Variants in TMTC2 observed in about 807,000 individuals in gnomAD.
The protein encoded by TMTC2 is protein O-mannosyl-transferase TMTC2.
In TMTC2, 43 loss-of-function variants were observed where a neutral mutation model predicts 82.4. That is an observed-to-expected ratio of 0.52 (90% CI 0.41 to 0.67). The LOEUF (loss-of-function observed/expected upper bound fraction) is 0.67. TMTC2 is among the 30% of genes least tolerant of loss of function. The pLI, the probability that TMTC2 is intolerant of heterozygous loss-of-function variation, is 0.00. For synonymous variants in TMTC2, 408 were observed against 381.9 expected (o/e 1.07, Z -0.80); for missense variants, 919 against 1,012.4 (o/e 0.91, Z 1.25).
At chr12:83,015,232 G>A (rs377631904) in intron 8 of TMTC2, among the ~76,000 whole-genome samples, 5 of 152,138 alleles carry the variant, frequency 3.3e-5, no homozygotes, top group Non-Finnish European at 5.9e-5. Flanking sequence ...ATGTGTACAC[G>A]AATACCATTT....
chr12:82,992,153 A>G (rs1032942715), intron 8 of TMTC2, among the ~76,000 whole-genome samples: 13 of 152,334 alleles, frequency 8.5e-5, no homozygotes, highest in African/African-American at 2.9e-4. Context: ...TGGAGGTTCC[A>G]CAGAAAAGTC....
At chr12:82,711,073 G>C (rs1359429845) in intron 1 of TMTC2, among the ~76,000 whole-genome samples, 1 of 152,100 alleles carries the variant, frequency 6.6e-6, no homozygotes, top group Non-Finnish European at 1.5e-5. Flanking sequence ...CAAGCTTCTG[G>C]TAAGACAAAT....
intron 1 of TMTC2, among the ~76,000 whole-genome samples, chr12:82,715,361 A>G (rs1426656673): frequency 1.3e-5 from 2 of 151,994 alleles, no homozygotes; most frequent in Non-Finnish European, 2.9e-5. Context: ...CCATGCAGTG[A>G]GATATGGATG....
intron 2 of TMTC2, among the ~76,000 whole-genome samples, chr12:82,886,524 T>C (rs1873108958): frequency 6.6e-6 from 1 of 152,184 alleles, no homozygotes; most frequent in South Asian, 2.1e-4. Context: ...AAGAACTCAT[T>C]ATAATCCGAA....
chr12:82,689,271 G>A (rs1424544656), intron 1 of TMTC2, among the ~76,000 whole-genome samples: 3 of 151,886 alleles, frequency 2.0e-5, no homozygotes. Flanking sequence ...GGTTTGAATA[G>A]TAAGCATTTA....
intron 11 of TMTC2, among the ~76,000 whole-genome samples, chr12:83,102,250 T>C (rs759383892): frequency 1.3e-5 from 2 of 152,226 alleles, no homozygotes; most frequent in African/African-American, 4.8e-5. Flanking sequence ...AAGGAAGATA[T>C]GCTATTTTTT....
At chr12:83,035,602 A>G (rs969573715) in intron 9 of TMTC2, among the ~76,000 whole-genome samples, 9 of 152,208 alleles carry the variant, frequency 5.9e-5, no homozygotes, top group Admixed American at 5.2e-4. Context: ...AACATTGTGT[A>G]TTTGTATGTT....
chr12:82,828,470 G>T (rs1869560042), intron 1 of TMTC2, among the ~76,000 whole-genome samples: 1 of 152,010 alleles, frequency 6.6e-6, no homozygotes, highest in Admixed American at 6.5e-5. Context: ...AAAGTGCTGG[G>T]ATTACAGGCA....
At chr12:83,057,695 C>T (rs1173020879) in intron 10 of TMTC2, among the ~76,000 whole-genome samples, 3 of 151,534 alleles carry the variant, frequency 2.0e-5, no homozygotes, top group Non-Finnish European at 4.4e-5. Context: ...TTTTATGTTA[C>T]ATGAACAACA....
chr12:83,076,347 T>C (rs1275381987), intron 11 of TMTC2, among the ~76,000 whole-genome samples: 1 of 152,204 alleles, frequency 6.6e-6, no homozygotes, highest in African/African-American at 2.4e-5. Flanking sequence ...ATCAAAACCT[T>C]TGGGAAATTT....
At chr12:82,904,333 A>G (rs1192523320) in intron 3 of TMTC2, among the ~76,000 whole-genome samples, 1 of 152,192 alleles carries the variant, frequency 6.6e-6, no homozygotes, top group Non-Finnish European at 1.5e-5. Context: ...TTTAAGCCTC[A>G]TGAAACAGTA....
At chr12:82,933,622 T>C (rs951895002) in intron 4 of TMTC2, among the ~76,000 whole-genome samples, 2 of 152,176 alleles carry the variant, frequency 1.3e-5, no homozygotes, top group African/African-American at 4.8e-5. Flanking sequence ...TACAGTTATG[T>C]CTCTTAAAGA....
At chr12:82,784,450 A>G (rs1251219384) in intron 1 of TMTC2, among the ~76,000 whole-genome samples, 1 of 152,094 alleles carries the variant, frequency 6.6e-6, no homozygotes, top group Non-Finnish European at 1.5e-5. Context: ...TCATGTAATT[A>G]CTATGATCGC....
chr12:82,693,463 T>G (rs1482451854), intron 1 of TMTC2, among the ~76,000 whole-genome samples: 1 of 152,210 alleles, frequency 6.6e-6, no homozygotes, highest in Non-Finnish European at 1.5e-5. Context: ...TTTTCTTGGA[T>G]GTCTGAACTC....
chr12:82,961,575 A>G (rs1000152472), intron 4 of TMTC2, among the ~76,000 whole-genome samples: 4 of 152,008 alleles, frequency 2.6e-5, no homozygotes, highest in African/African-American at 9.7e-5. Context: ...CCTCTTATTA[A>G]TCATAATAAC....
At chr12:82,879,640 T>C (rs2137153164) in intron 2 of TMTC2, among the ~76,000 whole-genome samples, 1 of 152,300 alleles carries the variant, frequency 6.6e-6, no homozygotes, top group African/African-American at 2.4e-5. Context: ...GGACATAGCT[T>C]TTGAGTCCTA....
intron 11 of TMTC2, among the ~76,000 whole-genome samples, chr12:83,128,152 C>G (rs1372470676): frequency 2.6e-5 from 4 of 151,980 alleles, no homozygotes; most frequent in African/African-American, 9.7e-5. Flanking sequence ...AATAAAAGAC[C>G]ATGTGTATAG....
chr12:82,946,721 A>G (rs1255979539), intron 4 of TMTC2, among the ~76,000 whole-genome samples: 1 of 150,302 alleles, frequency 6.7e-6, no homozygotes, highest in Non-Finnish European at 1.5e-5. Context: ...TCAGACTCAG[A>G]GAGTAGGCAT....
intron 7 of TMTC2, among the ~76,000 whole-genome samples, chr12:82,977,820 C>T (rs1294677205): frequency 2.6e-5 from 4 of 151,614 alleles, no homozygotes; most frequent in Non-Finnish European, 5.9e-5. Context: ...GCAGTACTTA[C>T]ATAAAATGTT....
Sources: gnomAD v4.1 joint callset for allele counts (sites outside exome capture counted in the v4.1 genomes callset) on GRCh38, gnomAD v4.1.1 for gene constraint, MANE v1.5 for transcripts, NCBI Gene and HGNC (gene_info 2026-07-23, HGNC 2026-07-21) for gene names.